The following GSTZ1 variants were observed in gnomAD, a reference collection of about 807,000 sequenced individuals.
The protein encoded by GSTZ1 is maleylacetoacetate isomerase.
A neutral mutation model predicts 35.9 loss-of-function variants in GSTZ1; 34 were observed. That is an observed-to-expected ratio of 0.95 (90% confidence interval 0.72 to 1.26). GSTZ1 has a LOEUF of 1.26. GSTZ1 is among the 50% of genes most tolerant of loss of function. The probability of loss-of-function intolerance (pLI) is 0.00; values close to 1 mark genes in which losing one functional copy is unlikely to be tolerated. For missense variants in GSTZ1, 263 were observed against 271.7 expected (o/e 0.97, Z 0.23); for synonymous variants, 93 against 101.2 (o/e 0.92, Z 0.49).
chr14:77,325,219 CA>C, intron 2 of GSTZ1: 1 of 384,984 alleles, frequency 2.6e-6, no homozygotes, highest in South Asian at 3.0e-5. Flanking sequence ...ACAAAATCCA[CA>C]TGCCCCTGGT....
intron 3 of GSTZ1, 180 bp from the exon 4 acceptor site, chr14:77,327,292 C>A (rs925668696): frequency 3.2e-6 from 2 of 618,208 alleles, no homozygotes; most frequent in Admixed American, 5.7e-5. Flanking sequence ...GGCTCAGCAG[C>A]AGCTGGGCTT....
chr14:77,322,421 A>G (rs1032340984), intron 1 of GSTZ1: 7 of 178,858 alleles, frequency 3.9e-5, no homozygotes, highest in African/African-American at 1.7e-4. Context: ...GACGGAGGGC[A>G]GCAGCATTTA....
chr14:77,331,251 G>A lies in GSTZ1; in HGVS notation c.*56G>A. The A allele has an allele frequency of 1.3e-6, 2 of 1,566,968 alleles. No individual in the cohort carries two copies. The highest frequency in any genetic ancestry group is 1.7e-6 in the Non-Finnish European group (2 of 1,154,790). Reference sequence around the variant, plus strand: ...CACAGGAGCAGAAGCTGGGTGGGCTGAAGAGGCCTGGAAACGAGAGTCTTA... The same window carrying A: ...CACAGGAGCAGAAGCTGGGTGGGCTAAAGAGGCCTGGAAACGAGAGTCTTA... On this transcript the variant is annotated 3_prime_UTR_variant, in exon 9 of 9. Coordinates refer to ENST00000216465, the MANE Select transcript of GSTZ1 (RefSeq NM_145870.3).
chr14:77,329,380 A>G lies in GSTZ1; in HGVS notation c.421+179A>G, dbSNP rs1892496569. The G allele has an allele frequency of 8.1e-6, 5 of 615,992 alleles. No homozygotes were observed. In the Admixed American group the frequency reaches 1.3e-4, roughly 16 times the overall value. 38.2% of individuals were successfully genotyped at this position (615,992 alleles called of 1,614,324 possible). A position where few individuals can be genotyped will look rare whatever the true frequency, so the allele number is the denominator to read the frequency against. The stretch of plus-strand genomic sequence containing the variant: ...TGGGCATCCAGACCTTAGCTCCAGC[A>G]CTTCTGGGAACCTCGGTCCCTGAGC... On this transcript the variant is annotated intron_variant, in intron 6 of 8. Coordinates refer to ENST00000216465, the MANE Select transcript of GSTZ1 (RefSeq NM_145870.3).
At chr14:77,329,656 A>G in intron 6 of GSTZ1, 99 bp from the exon 7 acceptor site, 1 of 887,130 alleles carries the variant, frequency 1.1e-6, no homozygotes, top group South Asian at 1.4e-5. Flanking sequence ...TCTGTCACTC[A>G]GTTGGGCGCC....
chr14:77,331,355 C>A lies in GSTZ1; in HGVS notation c.*160C>A. ...ACTTGTTCCACCTCAGTCCCCTCATCTGTCACACGCATGTGGGGTGGAGTA... is the reference window on the plus strand; with the variant it reads ...ACTTGTTCCACCTCAGTCCCCTCATATGTCACACGCATGTGGGGTGGAGTA... On this transcript the variant is annotated 3_prime_UTR_variant, in exon 9 of 9. Coordinates refer to ENST00000216465, the MANE Select transcript of GSTZ1 (RefSeq NM_145870.3). The A allele has an allele frequency of 1.3e-6, 1 of 772,236 alleles. No homozygotes were observed. Among genetic ancestry groups the A allele is most frequent in the Non-Finnish European group, 2.0e-6 (1 of 496,978 alleles). 47.8% of individuals were successfully genotyped at this position (772,236 alleles called of 1,614,324 possible).
In GSTZ1 at chr14:77,327,486, C is replaced by G; in HGVS notation, c.150C>G (p.Phe50Leu). Residue 50 changes from phenylalanine to leucine, a missense_variant, in exon 4 of 9, where the codon TTC (phenylalanine) becomes TTG (leucine). By Grantham distance (22) the Phe-to-Leu change is conservative (BLOSUM62 0). Coordinates refer to ENST00000216465, the MANE Select transcript of GSTZ1 (RefSeq NM_145870.3). ...TGTCTCCACAGTTTTCTAAGGACTT[C>G]CAGGCACTGAATCCTATGAAGCAGG... ...KDGGQQFSKD[F>L]QALNPMKQVP... The G allele has an allele frequency of 1.2e-6, 2 of 1,606,470 alleles. No individual in the cohort carries two copies. Among genetic ancestry groups the G allele is most frequent in the South Asian group, 1.1e-5 (1 of 89,710 alleles).
chr14:77,321,242 G>T, intron 1 of GSTZ1, 59 bp downstream of exon 1: 2 of 1,535,172 alleles, frequency 1.3e-6, no homozygotes, highest in Non-Finnish European at 1.8e-6. Context: ...ACCCTGGGGG[G>T]CGGGGTCAGA....
At chr14:77,330,195 GAA>G (rs769807156) in intron 7 of GSTZ1, 113 bp from the exon 8 acceptor site, 2 of 827,550 alleles carry the variant, frequency 2.4e-6, no homozygotes, top group African/African-American at 1.7e-5. Flanking sequence ...TGGGATGGGT[GAA>G]AGAGCCGAAG....
chr14:77,329,473 CCA>C, intron 6 of GSTZ1: 1 of 595,996 alleles, frequency 1.7e-6, no homozygotes, highest in Non-Finnish European at 3.0e-6. Context: ...GAAACCAAGG[CCA>C]GCACAGCGCC....
Position 77,321,066 on chromosome 14 carries a change from A to G in GSTZ1, c.-103A>G. On this transcript the variant is annotated 5_prime_UTR_variant, in exon 1 of 9. Transcript: ENST00000216465. ...CCAGCCCCTCGCTTTACCCGGACGA[A>G]AGACACGGGCCTGATTCGTCGAGTC... The G allele has an allele frequency of 1.6e-6, 2 of 1,239,590 alleles. No homozygotes were observed. Among genetic ancestry groups the G allele is most frequent in the Non-Finnish European group, 2.2e-6 (2 of 916,880 alleles). The allele number at this position is 1,239,590 out of a possible 1,614,324, so 76.8% of individuals were successfully genotyped here.
chr14:77,328,380 CTCAG>C lies in GSTZ1; in HGVS notation c.342+347_342+350del, dbSNP rs1168341775. The C allele has an allele frequency of 1.6e-5, 5 of 304,884 alleles. No homozygotes were observed. In the Admixed American group the frequency reaches 1.9e-4, roughly 11 times the overall value. The allele number at this position is 304,884 out of a possible 1,614,324, so 18.9% of individuals were successfully genotyped here. A position where few individuals can be genotyped will look rare whatever the true frequency, so the allele number is the denominator to read the frequency against. ...GCAGCTTCCGTTTCATCTGTGCTAT[CTCAG>C]TCATATACTGGGATACTTGTAGGAT... On this transcript the variant is annotated intron_variant, in intron 5 of 8. Coordinates refer to ENST00000216465, the MANE Select transcript of GSTZ1 (RefSeq NM_145870.3).
At chr14:77,330,278 C>T (rs777373956) in intron 7 of GSTZ1, 32 bp from the exon 8 acceptor site, 5 of 1,566,976 alleles carry the variant, frequency 3.2e-6, no homozygotes, top group South Asian at 1.1e-5. Flanking sequence ...GGGGTATGCA[C>T]CCTGATGGGA....
In GSTZ1 at chr14:77,331,314, C is replaced by A; in HGVS notation, c.*119C>A. 1 of 1,166,840 alleles carries A rather than the reference C, an allele frequency of 8.6e-7. No individual in the cohort carries two copies. The highest frequency in any genetic ancestry group is 1.2e-6 in the Non-Finnish European group (1 of 849,382). 72.3% of individuals were successfully genotyped at this position (1,166,840 alleles called of 1,614,324 possible). On this transcript the variant is annotated 3_prime_UTR_variant, in exon 9 of 9. Coordinates refer to ENST00000216465, the MANE Select transcript of GSTZ1 (RefSeq NM_145870.3). ...GGAGACTCGAACTCTAGCCCTGGAT[C>A]TGCCTTCCTGCTGAAACTTGTTCCA...
chr14:77,327,884 C>G (rs1319583690), intron 4 of GSTZ1, 28 bp from the exon 5 acceptor site: 1 of 1,612,858 alleles, frequency 6.2e-7, no homozygotes, highest in African/African-American at 1.3e-5. Flanking sequence ...TGGGCCCTCT[C>G]CCTGCCTCAC....
Position 77,326,890 on chromosome 14 carries a change from GGAT to G in GSTZ1, c.122_124del (p.Asp41del). 1 of 1,604,982 alleles carries G rather than the reference GGAT, an allele frequency of 6.2e-7. No individual in the cohort carries two copies. Among genetic ancestry groups the G allele is most frequent in the Non-Finnish European group, 8.5e-7 (1 of 1,174,612 alleles). On this transcript the variant is annotated inframe_deletion, in exon 3 of 9. Coordinates refer to ENST00000216465, the MANE Select transcript of GSTZ1 (RefSeq NM_145870.3). ...AGACGGTGCCCATCAATCTCATAAA[GGAT>G]GGGGGCCAACAGGTAAGAAGGCTGT...
rs537290404 is a variant in GSTZ1 at position 77,331,044 on chromosome 14, C to T, written c.525-25C>T. 5 of 1,608,856 alleles carry T rather than the reference C, an allele frequency of 3.1e-6. No homozygotes were observed. In the South Asian group the frequency reaches 4.4e-5, roughly 14 times the overall value. The stretch of plus-strand genomic sequence containing the variant: ...CTCCCTGTGTCCCTGAAAACCTTAG[C>T]TTAGCAGGTGTTTCTCTACTACAGA... On this transcript the variant is annotated intron_variant, in intron 8 of 8. Coordinates refer to ENST00000216465, the MANE Select transcript of GSTZ1 (RefSeq NM_145870.3).
rs754144753 is a variant in GSTZ1, at chr14:77,324,614, T to A, written c.16-256T>A. On this transcript the variant is annotated intron_variant, in intron 1 of 8. Transcript: ENST00000216465. ...GGGTCACCACGATACCATGACAGAGTCTGGCAAGGTATGGAAGGCACTCTC... is the reference window on the plus strand; with the variant it reads ...GGGTCACCACGATACCATGACAGAGACTGGCAAGGTATGGAAGGCACTCTC... 2.0e-6 allele frequency: 3 copies of A among 1,533,010 alleles called. No individual in the cohort carries two copies. In the South Asian group the frequency reaches 3.6e-5, roughly 18 times the overall value. 95.0% of individuals were successfully genotyped at this position (1,533,010 alleles called of 1,614,324 possible).
rs906961363 is a variant in GSTZ1, at chr14:77,331,502, G to A, written c.*307G>A. On this transcript the variant is annotated 3_prime_UTR_variant, in exon 9 of 9. Coordinates refer to ENST00000216465, the MANE Select transcript of GSTZ1 (RefSeq NM_145870.3). ...TGCTCACCGTAACACCACGGGGAAG[G>A]CTGTGTGCCTTTTCTCATCCGCTTT... The A allele has an allele frequency of 3.0e-5, 9 of 298,440 alleles. No individual in the cohort carries two copies. The highest frequency in any genetic ancestry group is 1.3e-4 in the African/African-American group (6 of 47,614). The allele number at this position is 298,440 out of a possible 1,614,324, so 18.5% of individuals were successfully genotyped here.
Sources: gnomAD v4.1 joint callset for allele counts on GRCh38, gnomAD v4.1.1 for gene constraint, MANE v1.5 for transcripts, NCBI Gene and HGNC (gene_info 2026-07-23, HGNC 2026-07-21) for gene names.